Variants in PSMD9 observed in about 807,000 individuals in gnomAD.
PSMD9 encodes 26S proteasome non-ATPase regulatory subunit 9.
A neutral mutation model predicts 25.9 loss-of-function variants in PSMD9; 26 were observed. The observed-to-expected ratio is 1.00, with a 90% CI of 0.73 to 1.39. The LOEUF is 1.39. Among genes scored for constraint, PSMD9 ranks in the 40% most tolerant of loss-of-function variants. The probability of loss-of-function intolerance (pLI) is 0.00; values close to 1 mark genes in which losing one functional copy is unlikely to be tolerated. For missense variants in PSMD9, 303 were observed against 299.3 expected, an observed-to-expected ratio of 1.01 and a Z score of -0.09; for synonymous variants, 110 against 114.5, an observed-to-expected ratio of 0.96 and a Z score of 0.25.
chr12:121,901,029 T>C (rs1209892596), intron 3 of PSMD9, among the ~76,000 whole-genome samples: 1 of 151,022 alleles, frequency 6.6e-6, no homozygotes, highest in East Asian at 1.9e-4. Flanking sequence ...TTCGCTCTGT[T>C]GCGTAGGTTG....
intron 5 of PSMD9, 158 bp downstream of exon 5, chr12:121,916,102 C>A: frequency 8.7e-7 from 1 of 1,153,886 alleles, no homozygotes; most frequent in Non-Finnish European, 1.3e-6. Flanking sequence ...AACGAGACTA[C>A]AGCTCTAGAA....
intron 1 of PSMD9, among the ~76,000 whole-genome samples, chr12:121,893,067 G>A (rs13378033): frequency 0.042 from 6,339 of 152,250 alleles, 425 homozygotes; most frequent in African/African-American, 0.14. Flanking sequence ...ATTGGGAGAG[G>A]AATATGTATT....
At chr12:121,891,925 G>T (rs949577917) in intron 1 of PSMD9, among the ~76,000 whole-genome samples, 3 of 102,408 alleles carry the variant, frequency 2.9e-5, no homozygotes, top group African/African-American at 1.1e-4. Flanking sequence ...AAAAAAAAAA[G>T]AAGTGGACAG....
At chr12:121,912,057 ATTTT>A (rs1321171716) in intron 4 of PSMD9, among the ~76,000 whole-genome samples, 21 of 129,832 alleles carry the variant, frequency 1.6e-4, no homozygotes, top group Non-Finnish European at 2.7e-4. Context: ...TTATTTATTT[ATTTT>A]GAGACAGGTT....
chr12:121,890,073 AC>A (rs1489790555), intron 1 of PSMD9, among the ~76,000 whole-genome samples: 1 of 152,144 alleles, frequency 6.6e-6, no homozygotes, highest in South Asian at 2.1e-4. Flanking sequence ...GAGCGCCAGT[AC>A]GCCAGGCTAA....
At chr12:121,901,640 C>T (rs1879399257) in intron 3 of PSMD9, among the ~76,000 whole-genome samples, 1 of 147,820 alleles carries the variant, frequency 6.8e-6, no homozygotes, top group South Asian at 2.2e-4. Context: ...CAGGCATGAG[C>T]TGTCATGCCT....
At chr12:121,894,084 C>T (rs2137678638) in intron 1 of PSMD9, 1 of 152,208 alleles carries the variant, frequency 6.6e-6, no homozygotes, top group African/African-American at 2.4e-5. Flanking sequence ...CAAAGCCCCT[C>T]CCCTGAACCA....
Position 121,888,888 on chromosome 12 carries a change from G to A in PSMD9, c.32G>A (p.Gly11Asp). ...GACGAGGAAGCGAGGCAGAGCGGAG[G>A]CTCCTCGCAGGCCGGCGTCGTGACT... MSDEEARQSG[G>D]SSQAGVVTVS... is the part of the protein sequence containing the mutation. Residue 11 changes from glycine to aspartate, a missense_variant, in exon 1 of 6, where the codon GGC becomes GAC. Gly to Asp is a moderately conservative substitution (Grantham distance 94). Coordinates refer to ENST00000541212, the MANE Select transcript of PSMD9 (RefSeq NM_002813.7). The A allele has an allele frequency of 6.2e-7, 1 of 1,602,568 alleles. No homozygotes were observed. The highest frequency in any genetic ancestry group is 1.7e-4 in the Middle Eastern group (1 of 5,768).
At chr12:121,905,679 C>A (rs1158685592) in intron 4 of PSMD9, among the ~76,000 whole-genome samples, 1 of 151,750 alleles carries the variant, frequency 6.6e-6, no homozygotes, top group African/African-American at 2.4e-5. Flanking sequence ...AGGTGCCCAC[C>A]ACCACGCCCA....
intron 2 of PSMD9, among the ~76,000 whole-genome samples, chr12:121,895,659 C>A (rs962013746): frequency 2.6e-5 from 4 of 152,194 alleles, no homozygotes; most frequent in Admixed American, 6.5e-5. Flanking sequence ...AGTCGCATTT[C>A]CCTCCCTCTG....
chr12:121,895,778 T>C (rs977135303), intron 2 of PSMD9, among the ~76,000 whole-genome samples: 3 of 152,202 alleles, frequency 2.0e-5, no homozygotes, highest in African/African-American at 7.2e-5. Context: ...CATGTCCGAA[T>C]CTTAAGGTCC....
rs1214757633 is a variant in PSMD9, at chr12:121,896,141, CTGTT to C, written c.241+1303_241+1306del. ...ACCGTCTCAAAAAAAAAAAAAAAAT[CTGTT>C]TGAGCAATTCCTTATTGGTCTTTTT... On this transcript the variant is annotated intron_variant, in intron 2 of 5. Transcript: ENST00000541212. 3.3e-5 allele frequency among the ~76,000 whole-genome samples: 5 copies of C among 150,986 alleles called. No homozygotes were observed. In the East Asian group the frequency reaches 7.9e-4, roughly 24 times the overall value.
At chr12:121,905,879 G>C (rs1042090896) in intron 4 of PSMD9, among the ~76,000 whole-genome samples, 1 of 151,856 alleles carries the variant, frequency 6.6e-6, no homozygotes, top group Non-Finnish European at 1.5e-5. Flanking sequence ...TTGCCACCAC[G>C]ATGAAGGTCA....
Position 121,899,696 on chromosome 12 carries a change from G to T in PSMD9, c.304G>T (p.Ala102Ser). The T allele has an allele frequency of 6.2e-7, 1 of 1,613,982 alleles. No homozygotes were observed. The highest frequency in any genetic ancestry group is 1.7e-4 in the Middle Eastern group (1 of 6,038). ...QVEEALHQLH[A>S]RDKEKQARDM... is the part of the protein sequence containing the mutation. ...GGAGGAGGCCCTGCACCAGCTGCAC[G>T]CTCGCGACAAGGAGAAGCAGGCCCG... Residue 102 changes from alanine to serine, a missense_variant, in exon 3 of 6, where the codon GCT becomes TCT. Coordinates refer to ENST00000541212, the MANE Select transcript of PSMD9 (RefSeq NM_002813.7).
Position 121,901,666 on chromosome 12 carries a change from C to CTTTTTTT in PSMD9, c.454-1319_454-1313dup, listed in dbSNP as rs563939839. On this transcript the variant is annotated intron_variant, in intron 3 of 5. Transcript: ENST00000541212. ...TGTCATGCCTGGCCCTTCATTCCTTCTTTTTTTTTTTTTTTTTTTTTTTTT... is the reference window on the plus strand; with the variant it reads ...TGTCATGCCTGGCCCTTCATTCCTTCTTTTTTTTTTTTTTTTTTTTTTTTTTTTTTTT... Among the ~76,000 whole-genome samples the CTTTTTTT allele has an allele frequency of 4.0e-4, 37 of 93,602 alleles. 5 individuals are homozygous for CTTTTTTT. Among genetic ancestry groups the CTTTTTTT allele is most frequent in the African/African-American group, 1.8e-3 (31 of 16,982 alleles). The allele number at this position is 93,602 out of a possible 152,430, so 61.4% of individuals were successfully genotyped here.
Position 121,915,889 on chromosome 12 carries a change from G to A in PSMD9, c.589G>A (p.Glu197Lys), listed in dbSNP as rs1565897154. 1.9e-6 allele frequency: 3 copies of A among 1,613,670 alleles called. No homozygotes were observed. Among genetic ancestry groups the A allele is most frequent in the Non-Finnish European group, 2.5e-6 (3 of 1,179,800 alleles). Residue 197 changes from glutamate to lysine, a missense_variant, in exon 5 of 6, where the codon GAA (glutamate) becomes AAA (lysine). Coordinates refer to ENST00000541212, the MANE Select transcript of PSMD9 (RefSeq NM_002813.7). ...GAATGTGACAGTGATCCGCAGGGGG[G>A]AAAAACACCAGCTTAGACTTGTTCC... is the stretch of plus-strand genomic sequence containing the variant. ...PLNVTVIRRG[E>K]KHQLRLVPTR... is the part of the protein sequence containing the mutation.
Position 121,894,950 on chromosome 12 carries a change from A to T in PSMD9, c.241+109A>T, listed in dbSNP as rs1262165370. On this transcript the variant is annotated intron_variant, in intron 2 of 5. Coordinates refer to ENST00000541212, the MANE Select transcript of PSMD9 (RefSeq NM_002813.7). ...ATCTACTGCCTTCTCTTCTGCCTTGATGGGATTGTCTTGTCCCCATCCAAG... is the reference window on the plus strand; with the variant it reads ...ATCTACTGCCTTCTCTTCTGCCTTGTTGGGATTGTCTTGTCCCCATCCAAG... The T allele has an allele frequency of 4.2e-6, 4 of 956,856 alleles. No individual in the cohort carries two copies. In the African/African-American group the frequency reaches 4.9e-5, roughly 12 times the overall value. The allele number at this position is 956,856 out of a possible 1,614,324, so 59.3% of individuals were successfully genotyped here.
At chr12:121,909,293 G>A (rs1879647895) in intron 4 of PSMD9, among the ~76,000 whole-genome samples, 1 of 151,360 alleles carries the variant, frequency 6.6e-6, no homozygotes, top group South Asian at 2.1e-4. Flanking sequence ...ACACGTGGGT[G>A]CATGCGTCTA....
At chr12:121,895,506 G>T (rs1472405898) in intron 2 of PSMD9, among the ~76,000 whole-genome samples, 1 of 152,108 alleles carries the variant, frequency 6.6e-6, no homozygotes, top group Non-Finnish European at 1.5e-5. Context: ...AGTCCAGATG[G>T]GTCTCACTGG....
Sources: gnomAD v4.1 joint callset for allele counts (sites outside exome capture counted in the v4.1 genomes callset) on GRCh38, gnomAD v4.1.1 for gene constraint, MANE v1.5 for transcripts, NCBI Gene and HGNC (gene_info 2026-07-23, HGNC 2026-07-21) for gene names.